CTNNA3: variants seen among roughly 807,000 people sequenced by gnomAD.
The protein encoded by CTNNA3 is catenin alpha-3.
Under a neutral mutation model 95.7 loss-of-function variants are expected in CTNNA3, and 76 were observed. The ratio of observed to expected loss-of-function variants is 0.79; its 90% CI spans 0.66 to 0.96. The LOEUF (loss-of-function observed/expected upper bound fraction) is 0.96. Among genes scored for constraint, CTNNA3 ranks in the 40% least tolerant of loss-of-function variants. The pLI is 0.00. For missense variants in CTNNA3, 1,191 were observed against 1,089.8 expected (o/e 1.09, Z -1.31); for synonymous variants, 431 against 374.4 (o/e 1.15, Z -1.74).
intron 7 of CTNNA3, among the ~76,000 whole-genome samples, chr10:66,783,609 G>A (rs556175456): frequency 6.7e-6 from 1 of 150,240 alleles, no homozygotes; most frequent in South Asian, 2.1e-4. Context: ...AATATTTTAT[G>A]CTGTCGATTA....
At chr10:66,663,954 C>T (rs370443009) in intron 9 of CTNNA3, among the ~76,000 whole-genome samples, 319 of 152,092 alleles carry the variant, frequency 2.1e-3, no homozygotes, top group African/African-American at 6.9e-3. Flanking sequence ...ATTTTCTCTC[C>T]TTTGTCACCT....
intron 1 of CTNNA3, among the ~76,000 whole-genome samples, chr10:67,691,827 G>C (rs4345859): frequency 1.5e-5 from 2 of 137,260 alleles, no homozygotes; most frequent in African/African-American, 2.9e-5. Flanking sequence ...CTGCCCGGCC[G>C]CCCCTACTGG....
chr10:66,455,165 A>G (rs1169140148), intron 11 of CTNNA3, among the ~76,000 whole-genome samples: 1 of 152,218 alleles, frequency 6.6e-6, no homozygotes, highest in Admixed American at 6.5e-5. Context: ...ATACTTAATG[A>G]TAAAAGAATA....
At chr10:67,622,074 A>C (rs1036744544) in intron 2 of CTNNA3, among the ~76,000 whole-genome samples, 4 of 152,206 alleles carry the variant, frequency 2.6e-5, no homozygotes, top group Non-Finnish European at 5.9e-5. Flanking sequence ...ACAGTATCTC[A>C]TAAGACAAGT....
intron 9 of CTNNA3, among the ~76,000 whole-genome samples, chr10:66,727,068 A>G (rs1340901978): frequency 6.6e-6 from 1 of 152,166 alleles, no homozygotes; most frequent in East Asian, 1.9e-4. Flanking sequence ...TCTAACAGTC[A>G]TATGTCAAAG....
intron 7 of CTNNA3, among the ~76,000 whole-genome samples, chr10:66,882,202 G>A (rs1006493527): frequency 4.6e-5 from 7 of 151,898 alleles, no homozygotes; most frequent in Admixed American, 2.0e-4. Flanking sequence ...ATAACGAAAG[G>A]GTGGAGACTT....
At chr10:66,385,051 C>A (rs1253537265) in intron 11 of CTNNA3, among the ~76,000 whole-genome samples, 2 of 152,114 alleles carry the variant, frequency 1.3e-5, no homozygotes, top group Non-Finnish European at 1.5e-5. Flanking sequence ...CAAGAGCAAA[C>A]ACATTCAAAA....
chr10:67,156,466 G>A (rs1159689739), intron 7 of CTNNA3, among the ~76,000 whole-genome samples: 1 of 151,946 alleles, frequency 6.6e-6, no homozygotes, highest in African/African-American at 2.4e-5. Context: ...CATGAGCTTG[G>A]TGTGCTTTGT....
At chr10:67,657,031 T>A (rs1840044723) in intron 1 of CTNNA3, among the ~76,000 whole-genome samples, 1 of 152,166 alleles carries the variant, frequency 6.6e-6, no homozygotes, top group Admixed American at 6.5e-5. Flanking sequence ...GATAAAATAA[T>A]GGCTTAGAAC....
chr10:67,305,391 A>AAG (rs1174526628), intron 5 of CTNNA3, among the ~76,000 whole-genome samples: 4 of 151,512 alleles, frequency 2.6e-5, no homozygotes, highest in African/African-American at 9.7e-5. Flanking sequence ...AAAAAAAAAA[A>AAG]AGAGAGAGAG....
intron 12 of CTNNA3, among the ~76,000 whole-genome samples, chr10:66,333,980 G>T (rs1252100411): frequency 4.6e-5 from 7 of 152,192 alleles, no homozygotes; most frequent in Admixed American, 3.9e-4. Flanking sequence ...TTAACATTAT[G>T]TAATGGCCGT....
chr10:66,394,091 TAA>T (rs970105040), intron 11 of CTNNA3, among the ~76,000 whole-genome samples: 3 of 152,082 alleles, frequency 2.0e-5, no homozygotes, highest in African/African-American at 4.8e-5. Flanking sequence ...GAATGCATTA[TAA>T]GTTTTCACAT....
intron 11 of CTNNA3, among the ~76,000 whole-genome samples, chr10:66,432,642 C>T (rs2131752545): frequency 7.0e-6 from 1 of 142,584 alleles, no homozygotes; most frequent in South Asian, 2.2e-4. Context: ...GCCTGGGTGA[C>T]AGAGCGAGAC....
intron 11 of CTNNA3, among the ~76,000 whole-genome samples, chr10:66,415,623 C>A (rs1405770189): frequency 2.0e-5 from 3 of 152,112 alleles, no homozygotes; most frequent in Non-Finnish European, 4.4e-5. Context: ...CTGCTGCAAC[C>A]ACAGGAGCTC....
chr10:66,460,303 A>G (rs558721213), intron 11 of CTNNA3, among the ~76,000 whole-genome samples: 1 of 152,334 alleles, frequency 6.6e-6, no homozygotes, highest in East Asian at 1.9e-4. Flanking sequence ...TAAATTAAGT[A>G]CAGCACTTAC....
chr10:67,365,667 T>C (rs1363511088), intron 5 of CTNNA3, among the ~76,000 whole-genome samples: 45 of 152,018 alleles, frequency 3.0e-4, no homozygotes, highest in Non-Finnish European at 4.1e-4. Flanking sequence ...AAATCAAAAC[T>C]ATGATGAGAT....
At chr10:67,025,961 A>C (rs1853353332) in intron 7 of CTNNA3, among the ~76,000 whole-genome samples, 1 of 151,082 alleles carries the variant, frequency 6.6e-6, no homozygotes, top group Non-Finnish European at 1.5e-5. Context: ...CTTTGTAGGG[A>C]CATGGATGAA....
At chr10:67,246,180 A>T (rs1865900697) in intron 5 of CTNNA3, among the ~76,000 whole-genome samples, 1 of 152,186 alleles carries the variant, frequency 6.6e-6, no homozygotes, top group Non-Finnish European at 1.5e-5. Context: ...CTTACTCAAG[A>T]ACTGTACGCA....
intron 10 of CTNNA3, among the ~76,000 whole-genome samples, chr10:66,567,978 A>G (rs1438052182): frequency 2.0e-5 from 3 of 152,144 alleles, no homozygotes; most frequent in Non-Finnish European, 4.4e-5. Flanking sequence ...ACTACACTAA[A>G]ATATAGAGAT....
Sources: gnomAD v4.1 joint callset for allele counts (sites outside exome capture counted in the v4.1 genomes callset) on GRCh38, gnomAD v4.1.1 for gene constraint, MANE v1.5 for transcripts, NCBI Gene and HGNC (gene_info 2026-07-23, HGNC 2026-07-21) for gene names.